The following ZBTB25 variants were observed in gnomAD, a reference collection of about 807,000 sequenced individuals.
ZBTB25 encodes the protein zinc finger and BTB domain containing 25.
A neutral mutation model predicts 34.2 loss-of-function variants in ZBTB25; 20 were observed. The ratio of observed to expected loss-of-function variants is 0.58; its 90% CI spans 0.41 to 0.85. The LOEUF (loss-of-function observed/expected upper bound fraction) is 0.85. Ranked by LOEUF, ZBTB25 falls within the 40% of genes least tolerant of loss-of-function variation. The probability of loss-of-function intolerance (pLI) is 0.00; values close to 1 mark genes in which losing one functional copy is unlikely to be tolerated. For missense variants in ZBTB25, 437 were observed against 521.8 expected (o/e 0.84, Z 1.58); for synonymous variants, 175 against 186.4 (o/e 0.94, Z 0.50).
rs115328857 is a variant in ZBTB25 at position 64,455,488 on chromosome 14, G to T, written c.174-5850C>A. On this transcript the variant is annotated intron_variant, in intron 2 of 2. Coordinates refer to the ZBTB25 transcript ENST00000555220. ...ATATTGCCAGTTGGGAAGCAGAGGG[G>T]AGGGATGCTTAAGGACATAATCATA... is the stretch of plus-strand genomic sequence containing the variant. Among the ~76,000 whole-genome samples the T allele has an allele frequency of 1.2e-3, 179 of 152,304 alleles. 1 individual carries two copies. The highest frequency in any genetic ancestry group is 3.8e-3 in the African/African-American group (157 of 41,564).
upstream of ZBTB25, chr14:64,504,377 G>A (rs1034232019): frequency 3.3e-5 from 5 of 152,454 alleles, no homozygotes. Context: ...GCAGGGGTCT[G>A]ACATCTGGAC....
rs1416925612 is a variant in ZBTB25, at chr14:64,485,220, G to A, written c.*1703C>T. ...TCTTTGAGCTCCCTCCTGATTGGAC[G>A]CTGATGCTGTTGAATGTGTCAGGAA... On this transcript the variant is annotated 3_prime_UTR_variant, in exon 3 of 3. Coordinates refer to ENST00000608382, the MANE Select transcript of ZBTB25 (RefSeq NM_006977.5). 4 of 985,288 alleles carry A rather than the reference G, an allele frequency of 4.1e-6. No individual in the cohort carries two copies. The highest frequency in any genetic ancestry group is 3.5e-5 in the African/African-American group (2 of 57,238). The allele number at this position is 985,288 out of a possible 1,614,324, so 61.0% of individuals were successfully genotyped here.
At chr14:64,489,299 A>C (rs939048780) in intron 2 of ZBTB25, among the ~76,000 whole-genome samples, 2 of 151,142 alleles carry the variant, frequency 1.3e-5, no homozygotes, top group African/African-American at 2.4e-5. Context: ...AATAAAAAAA[A>C]CAAAAGTGTT....
chr14:64,461,376 T>G (rs2078552600), intron 2 of ZBTB25: 1 of 152,260 alleles, frequency 6.6e-6, no homozygotes, highest in South Asian at 2.1e-4. Flanking sequence ...CCCACCTCCC[T>G]GCCTCCACAT....
intron 1 of ZBTB25, among the ~76,000 whole-genome samples, chr14:64,501,018 T>A (rs1023640330): frequency 2.0e-5 from 3 of 152,050 alleles, no homozygotes; most frequent in African/African-American, 7.2e-5. Context: ...ACCACTGCAC[T>A]CCAGCCTGGG....
chr14:64,498,001 T>G (rs977880790), intron 1 of ZBTB25, among the ~76,000 whole-genome samples: 3 of 152,222 alleles, frequency 2.0e-5, no homozygotes, highest in Admixed American at 2.0e-4. Flanking sequence ...AATATGTACA[T>G]CTTTTTTGAG....
rs1425603360 is a variant in ZBTB25 at position 64,453,766 on chromosome 14, G to A, written c.174-4128C>T. On this transcript the variant is annotated intron_variant, in intron 2 of 2. Coordinates refer to the ZBTB25 transcript ENST00000555220. Reference sequence around the variant, plus strand: ...TCTTGTGCATTAGCTCCCAGTTGAGGATAAAATCAGGATCATTGCACAGAA... The same window carrying A: ...TCTTGTGCATTAGCTCCCAGTTGAGAATAAAATCAGGATCATTGCACAGAA... 3.4e-5 allele frequency: 54 copies of A among 1,606,714 alleles called. No homozygotes were observed. Among genetic ancestry groups the A allele is most frequent in the Non-Finnish European group, 4.6e-5 (54 of 1,173,496 alleles).
chr14:64,481,872 T>C lies in ZBTB25; in HGVS notation c.*5051A>G, dbSNP rs1435937588. 3.9e-5 allele frequency: 6 copies of C among 152,230 alleles called. No homozygotes were observed. The highest frequency in any genetic ancestry group is 1.4e-4 in the African/African-American group (6 of 41,468). 9.4% of individuals were successfully genotyped at this position (152,230 alleles called of 1,614,324 possible). On this transcript the variant is annotated 3_prime_UTR_variant, in exon 3 of 3. Transcript: ENST00000608382. Reference sequence around the variant, plus strand: ...AATTTAAGTGCCACAAATCTATATGTAGTTCAAAATATACAAAGACACAAA... The same window carrying C: ...AATTTAAGTGCCACAAATCTATATGCAGTTCAAAATATACAAAGACACAAA...
At chr14:64,454,938 G>A (rs756461104) in intron 2 of ZBTB25, 76 of 1,559,412 alleles carry the variant, frequency 4.9e-5, no homozygotes, top group South Asian at 7.8e-5. Flanking sequence ...GTGTGTTGCC[G>A]AAACCATCAA....
chr14:64,450,934 G>A lies in ZBTB25; in HGVS notation c.174-1296C>T, dbSNP rs140684331. 9.4e-3 allele frequency among the ~76,000 whole-genome samples: 1,428 copies of A among 152,160 alleles called. 67 individuals are homozygous for A. In the East Asian group the frequency reaches 0.16, roughly 17 times the overall value. On this transcript the variant is annotated intron_variant, in intron 2 of 2. Coordinates refer to the ZBTB25 transcript ENST00000555220. Reference sequence around the variant, plus strand: ...TGTAACCCCAGCACTTTGGGAGGCCGAGGTGGGTGGATCACCTAAGGTCAA... The same window carrying A: ...TGTAACCCCAGCACTTTGGGAGGCCAAGGTGGGTGGATCACCTAAGGTCAA...
chr14:64,451,609 A>G (rs2078373788), intron 2 of ZBTB25, among the ~76,000 whole-genome samples: 1 of 152,262 alleles, frequency 6.6e-6, no homozygotes, highest in South Asian at 2.1e-4. Flanking sequence ...CCAGGCTCCA[A>G]TGCATAGCAC....
rs573653277 is a variant in ZBTB25, at chr14:64,486,214, A to G, written c.*709T>C. On this transcript the variant is annotated 3_prime_UTR_variant, in exon 3 of 3. Coordinates refer to ENST00000608382, the MANE Select transcript of ZBTB25 (RefSeq NM_006977.5). ...CTGCTCAGGAGGCTGAGGCAGGAGA[A>G]TGGCGTGAACCCGGGAGGCGGAGCT... 36 of 810,928 alleles carry G rather than the reference A, an allele frequency of 4.4e-5. No individual in the cohort carries two copies. The East Asian group carries it at 4.6e-3, about 105-fold the overall frequency. The allele number at this position is 810,928 out of a possible 1,614,324, so 50.2% of individuals were successfully genotyped here.
chr14:64,481,905 A>G lies in ZBTB25; in HGVS notation c.*5018T>C, dbSNP rs944056870. The G allele has an allele frequency of 2.6e-5, 4 of 152,214 alleles. No individual in the cohort carries two copies. Among genetic ancestry groups the G allele is most frequent in the Non-Finnish European group, 4.4e-5 (3 of 68,044 alleles). 9.4% of individuals were successfully genotyped at this position (152,214 alleles called of 1,614,324 possible). A position where few individuals can be genotyped will look rare whatever the true frequency, so the allele number is the denominator to read the frequency against. On this transcript the variant is annotated 3_prime_UTR_variant, in exon 3 of 3. Coordinates refer to ENST00000608382, the MANE Select transcript of ZBTB25 (RefSeq NM_006977.5). ...AATATACAAAGACACAAATTACATT[A>G]TGAAAATTCTTCACATGGCCCATTT...
intron 2 of ZBTB25, chr14:64,458,053 G>T: frequency 1.5e-6 from 1 of 687,782 alleles, no homozygotes; most frequent in Non-Finnish European, 2.6e-6. Context: ...ATCATATCCA[G>T]CTAATTTTTT....
Position 64,486,641 on chromosome 14 carries a change from A to G in ZBTB25, c.*282T>C. 1.0e-6 allele frequency: 1 copy of G among 1,004,154 alleles called. No individual in the cohort carries two copies. Among genetic ancestry groups the G allele is most frequent in the Non-Finnish European group, 1.2e-6 (1 of 820,076 alleles). 62.2% of individuals were successfully genotyped at this position (1,004,154 alleles called of 1,614,324 possible). A position where few individuals can be genotyped will look rare whatever the true frequency, so the allele number is the denominator to read the frequency against. ...TATAACTGGAAAAACTTAGAATTCT[A>G]TAAATAACTATTTAAGGTTTCCATA... On this transcript the variant is annotated 3_prime_UTR_variant, in exon 3 of 3. Transcript: ENST00000608382.
chr14:64,473,749 T>C (rs1378133572), downstream of ZBTB25: 1 of 167,050 alleles, frequency 6.0e-6, no homozygotes, highest in African/African-American at 2.4e-5. Context: ...TATAGCAGGA[T>C]TTGATTTTTC....
chr14:64,470,565 G>A (rs1212460991), intron 2 of ZBTB25: 2 of 161,182 alleles, frequency 1.2e-5, no homozygotes, highest in Non-Finnish European at 3.0e-5. Context: ...ACTCCAGTCT[G>A]GGCAACAGAG....
At chr14:64,494,615 CGA>C (rs916613291) in intron 1 of ZBTB25, among the ~76,000 whole-genome samples, 38 of 151,770 alleles carry the variant, frequency 2.5e-4, no homozygotes, top group African/African-American at 9.2e-4. Context: ...GGCAACAGAG[CGA>C]GACTCTGTCT....
Position 64,479,585 on chromosome 14 carries a change from G to T in ZBTB25, c.*7338C>A, listed in dbSNP as rs1024424495. 6.6e-6 allele frequency: 1 copy of T among 152,200 alleles called. No individual in the cohort carries two copies. The highest frequency in any genetic ancestry group is 6.5e-5 in the Admixed American group (1 of 15,282). The allele number at this position is 152,200 out of a possible 1,614,324, so 9.4% of individuals were successfully genotyped here. On this transcript the variant is annotated 3_prime_UTR_variant, in exon 3 of 3. Transcript: ENST00000608382. Reference sequence around the variant, plus strand: ...AAAGAAGATCACCCTCCCTGATGTGGGTGGCTCTCATTCCATCAGTTGAAG... The same window carrying T: ...AAAGAAGATCACCCTCCCTGATGTGTGTGGCTCTCATTCCATCAGTTGAAG...
Sources: gnomAD v4.1 joint callset for allele counts (sites outside exome capture counted in the v4.1 genomes callset) on GRCh38, gnomAD v4.1.1 for gene constraint, MANE v1.5 for transcripts, NCBI Gene and HGNC (gene_info 2026-07-23, HGNC 2026-07-21) for gene names.